Variants in DOCK11 observed in about 807,000 individuals in gnomAD.
DOCK11 encodes dedicator of cytokinesis protein 11.
DOCK11 carries 70 observed loss-of-function variants against 169.1 expected under a neutral mutation model. The observed-to-expected ratio is 0.41, with a 90% CI of 0.34 to 0.51. The LOEUF is 0.51. DOCK11 is among the 20% of genes least tolerant of loss of function. DOCK11 has a pLI of 0.10. For missense variants in DOCK11, 1,166 were observed against 1,538.8 expected, an observed-to-expected ratio of 0.76 and a Z score of 4.05; for synonymous variants, 529 against 541.3, an observed-to-expected ratio of 0.98 and a Z score of 0.32.
chrX:118,642,455 GT>G (rs1194460441), intron 39 of DOCK11, among the ~76,000 whole-genome samples: 1 of 111,963 alleles, frequency 8.9e-6, no homozygotes, highest in East Asian at 2.8e-4. Flanking sequence ...GAATTTTATG[GT>G]TTGTAAATTA....
chrX:118,586,522 A>G (rs2013820743), intron 16 of DOCK11, among the ~76,000 whole-genome samples: 1 of 111,648 alleles, frequency 9.0e-6, no homozygotes, highest in Non-Finnish European at 1.9e-5. Flanking sequence ...ACCTCCCACC[A>G]GGTCTCTCCC....
At chrX:118,584,626 T>A in intron 14 of DOCK11, 109 bp from the exon 15 acceptor site, 2 of 714,567 alleles carry the variant, frequency 2.8e-6, no homozygotes, top group Non-Finnish European at 1.9e-6. Flanking sequence ...ACCGCCAAAC[T>A]GTTTCCAAAG....
At chrX:118,546,210 C>CAAAAAAAAAAAAAAAAAAAAAAAAAA (rs1556269491) in intron 6 of DOCK11, 94 bp downstream of exon 6, 5 of 45,863 alleles carry the variant, frequency 1.1e-4, no homozygotes, top group African/African-American at 4.4e-4. Flanking sequence ...AGAGCCCTAG[C>CAAAAAAAAAAAAAAAAAAAAAAAAAA]AAAAAAAAAA....
chrX:118,614,553 C>A, intron 28 of DOCK11, 139 bp from the exon 29 acceptor site: 1 of 477,989 alleles, frequency 2.1e-6, no homozygotes, highest in East Asian at 4.0e-5. Context: ...TCACCTGAAG[C>A]TCAGAAAGTT....
chrX:118,631,525 G>A (rs2015242118), intron 35 of DOCK11, among the ~76,000 whole-genome samples: 1 of 111,956 alleles, frequency 8.9e-6, no homozygotes, highest in Non-Finnish European at 1.9e-5. Context: ...CAATGAAAAT[G>A]TTCTAAAACT....
chrX:118,647,419 G>A lies in DOCK11; in HGVS notation c.4399-1526G>A, dbSNP rs368080430. ...GAGAACCTGCTTACTGTATTATGGCGGTGCAAAAGTAATTGCTACTATATC... is the reference window on the plus strand; with the variant it reads ...GAGAACCTGCTTACTGTATTATGGCAGTGCAAAAGTAATTGCTACTATATC... On this transcript the variant is annotated intron_variant, in intron 40 of 52. Coordinates refer to ENST00000276202, the MANE Select transcript of DOCK11 (RefSeq NM_144658.4). 6.6e-5 allele frequency among the ~76,000 whole-genome samples: 6 copies of A among 90,660 alleles called. No homozygotes were observed. In the East Asian group the frequency reaches 9.8e-4, roughly 15 times the overall value. The allele number at this position is 90,660 out of a possible 115,157, so 78.7% of individuals were successfully genotyped here.
intron 45 of DOCK11, among the ~76,000 whole-genome samples, chrX:118,668,906 A>G (rs1267332697): frequency 5.4e-5 from 6 of 111,942 alleles, no homozygotes; most frequent in East Asian, 2.8e-4. Flanking sequence ...ATTGTGCTTC[A>G]GGGAAACTGC....
intron 26 of DOCK11, 79 bp from the exon 27 acceptor site, chrX:118,609,199 G>T: frequency 1.5e-6 from 1 of 676,565 alleles, no homozygotes; most frequent in Non-Finnish European, 2.3e-6. Context: ...TCAAAGACAA[G>T]ACCCATATTG....
At chrX:118,616,311 G>C in intron 30 of DOCK11, 1 of 713,544 alleles carries the variant, frequency 1.4e-6, no homozygotes. Context: ...GAATTGCTAA[G>C]ATGGATGGGG....
At chrX:118,516,093 C>T (rs868611778) in intron 1 of DOCK11, among the ~76,000 whole-genome samples, 881 of 54,877 alleles carry the variant, frequency 0.016, 51 homozygotes, top group African/African-American at 0.067. Flanking sequence ...TTTTCTTTTT[C>T]TTTTTTTTTT....
intron 1 of DOCK11, among the ~76,000 whole-genome samples, chrX:118,533,011 G>T (rs1250707201): frequency 8.1e-5 from 9 of 110,981 alleles, no homozygotes; most frequent in Non-Finnish European, 1.7e-4. Flanking sequence ...TAATTTTTGA[G>T]ATGGAGATTC....
intron 31 of DOCK11, among the ~76,000 whole-genome samples, chrX:118,623,992 C>T (rs2015036686): frequency 8.9e-6 from 1 of 112,969 alleles, no homozygotes; most frequent in Non-Finnish European, 1.9e-5. Flanking sequence ...ATCAATCTCC[C>T]AAGTCTTAAA....
intron 1 of DOCK11, among the ~76,000 whole-genome samples, chrX:118,526,041 A>C (rs2011368087): frequency 8.9e-6 from 1 of 111,939 alleles, no homozygotes; most frequent in Admixed American, 9.5e-5. Context: ...GAAAGACCTG[A>C]GCAGTGAAAA....
intron 49 of DOCK11, 72 bp from the exon 50 acceptor site, chrX:118,680,986 T>G: frequency 1.0e-6 from 1 of 977,265 alleles, no homozygotes; most frequent in South Asian, 2.6e-5. Context: ...CACAATAGAG[T>G]TTTTTCTTTA....
chrX:118,662,682 A>C lies in DOCK11; in HGVS notation c.4970-4A>C. The C allele has an allele frequency of 9.0e-7, 1 of 1,105,629 alleles. No individual in the cohort carries two copies. Among genetic ancestry groups the C allele is most frequent in the Non-Finnish European group, 1.2e-6 (1 of 802,822 alleles). 91.1% of individuals were successfully genotyped at this position (1,105,629 alleles called of 1,213,427 possible). ...TCACTCCACTGTTTTTTTTATTCAC[A>C]CAGAATTATTTCCTAACGGATGTTC... On this transcript the variant is annotated splice_polypyrimidine_tract_variant and splice_region_variant and intron_variant, in intron 44 of 52. Transcript: ENST00000276202.
At chrX:118,640,530 C>T (rs1392967542) in intron 38 of DOCK11, among the ~76,000 whole-genome samples, 4 of 111,766 alleles carry the variant, frequency 3.6e-5, no homozygotes, top group African/African-American at 1.3e-4. Flanking sequence ...AATGTCTGAC[C>T]ATAGGGCACT....
chrX:118,653,396 T>A (rs2015992361), intron 42 of DOCK11, among the ~76,000 whole-genome samples: 2 of 110,821 alleles, frequency 1.8e-5, no homozygotes, highest in African/African-American at 6.6e-5. Context: ...CAGGTAGGTA[T>A]TTTTTATTTC....
chrX:118,680,217 G>A (rs1245221281), intron 48 of DOCK11, among the ~76,000 whole-genome samples: 5 of 110,374 alleles, frequency 4.5e-5, no homozygotes, highest in Admixed American at 2.9e-4. Flanking sequence ...ATGAGCCACC[G>A]TGCCTGGCCA....
intron 6 of DOCK11, among the ~76,000 whole-genome samples, 195 bp downstream of exon 6, chrX:118,546,311 C>T (rs2012282189): frequency 9.6e-6 from 1 of 104,013 alleles, no homozygotes; most frequent in South Asian, 4.2e-4. Context: ...TTTTTAAAGA[C>T]ATATAATGTA....
Sources: allele counts gnomAD v4.1 joint callset (sites outside exome capture counted in the v4.1 genomes callset), GRCh38; gene constraint gnomAD v4.1.1; transcripts MANE v1.5; gene names NCBI Gene and HGNC (gene_info 2026-07-23, HGNC 2026-07-21).